Variants in PSD3 observed in about 807,000 individuals in gnomAD.
PSD3 encodes the protein PH and SEC7 domain-containing protein 3.
Under a neutral mutation model 105.5 loss-of-function variants are expected in PSD3, and 49 were observed. The ratio of observed to expected loss-of-function variants is 0.46; its 90% CI spans 0.37 to 0.59. The LOEUF is 0.59. Ranked by LOEUF, PSD3 falls within the 20% of genes least tolerant of loss-of-function variation. The pLI, the probability that PSD3 is intolerant of heterozygous loss-of-function variation, is 0.00. For missense variants in PSD3, 1,561 were observed against 1,263.8 expected (o/e 1.24, Z -3.57); for synonymous variants, 557 against 457.8 (o/e 1.22, Z -2.77).
At chr8:18,587,423 T>C (rs1585312628) in intron 12 of PSD3, among the ~76,000 whole-genome samples, 1 of 56,156 alleles carries the variant, frequency 1.8e-5, no homozygotes, top group South Asian at 4.9e-4. Flanking sequence ...TGAAACATAA[T>C]TTTTTTCATC....
At chr8:18,986,925 C>T (rs886899269) in intron 1 of PSD3, among the ~76,000 whole-genome samples, 3 of 152,088 alleles carry the variant, frequency 2.0e-5, no homozygotes, top group Non-Finnish European at 4.4e-5. Context: ...CCCATTTATG[C>T]TTAGTGTTCC....
intron 2 of PSD3, among the ~76,000 whole-genome samples, chr8:18,874,665 T>C (rs1404426167): frequency 7.0e-6 from 1 of 142,676 alleles, no homozygotes; most frequent in Admixed American, 7.3e-5. Context: ...ATTGCACCAT[T>C]GTAGTCCAGC....
At chr8:18,655,343 A>G (rs1808812768) in intron 10 of PSD3, among the ~76,000 whole-genome samples, 1 of 152,018 alleles carries the variant, frequency 6.6e-6, no homozygotes, top group African/African-American at 2.4e-5. Context: ...AAAAAAAAAA[A>G]AAAATTAAAA....
At chr8:19,062,316 T>G (rs1333569634) in intron 1 of PSD3, among the ~76,000 whole-genome samples, 1 of 152,192 alleles carries the variant, frequency 6.6e-6, no homozygotes, top group Non-Finnish European at 1.5e-5. Context: ...TCAGTGTGTT[T>G]TGCAGTTGGG....
intron 4 of PSD3, among the ~76,000 whole-genome samples, chr8:18,859,046 C>T (rs985031609): frequency 2.6e-5 from 4 of 152,064 alleles, no homozygotes; most frequent in Admixed American, 6.5e-5. Context: ...CAGCTTTACA[C>T]AATATATTCC....
intron 1 of PSD3, among the ~76,000 whole-genome samples, chr8:18,974,679 A>C (rs534520412): frequency 4.3e-4 from 65 of 152,042 alleles, no homozygotes; most frequent in Admixed American, 1.4e-3. Context: ...AGTCAAAAAA[A>C]AAAAACAAAA....
At position 18,728,682 on chromosome 8, in the gene PSD3, G is replaced by A. The variant is rs557796859; in HGVS notation, c.2172+36767C>T. 3.2e-4 allele frequency among the ~76,000 whole-genome samples: 48 copies of A among 152,290 alleles called. 1 individual carries two copies. Among genetic ancestry groups the A allele is most frequent in the Admixed American group, 2.4e-3 (37 of 15,294 alleles). On this transcript the variant is annotated intron_variant, in intron 9 of 15. Transcript: ENST00000327040. ...AAGCAGTCACCTTGAGTTACGCTGC[G>A]TGAGCTAAAAATGTGAGTTATGTGA... is the stretch of plus-strand genomic sequence containing the variant.
intron 4 of PSD3, among the ~76,000 whole-genome samples, chr8:18,822,290 C>T (rs982529183): frequency 2.6e-5 from 4 of 152,078 alleles, no homozygotes; most frequent in Non-Finnish European, 4.4e-5. Flanking sequence ...TGATGCATAG[C>T]CCTAAATAAA....
At chr8:18,881,915 T>C (rs1818128974) in intron 2 of PSD3, among the ~76,000 whole-genome samples, 1 of 152,112 alleles carries the variant, frequency 6.6e-6, no homozygotes, top group Non-Finnish European at 1.5e-5. Flanking sequence ...TACCAATTAA[T>C]AGAAGGTGAA....
At chr8:18,869,445 C>T (rs1817178413) in intron 3 of PSD3, among the ~76,000 whole-genome samples, 1 of 152,124 alleles carries the variant, frequency 6.6e-6, no homozygotes, top group Non-Finnish European at 1.5e-5. Context: ...TCCCAAAGTG[C>T]TGGGATTACA....
chr8:18,777,179 A>C (rs1808184350), intron 8 of PSD3, among the ~76,000 whole-genome samples: 1 of 151,984 alleles, frequency 6.6e-6, no homozygotes, highest in Non-Finnish European at 1.5e-5. Context: ...TGTAGCTGGG[A>C]CTACAGGCAT....
chr8:18,907,268 T>A (rs1376435520), intron 2 of PSD3, among the ~76,000 whole-genome samples: 2 of 152,176 alleles, frequency 1.3e-5, no homozygotes, highest in Non-Finnish European at 2.9e-5. Flanking sequence ...CAACTTCCAG[T>A]CCCGTAAGCT....
At chr8:18,677,071 G>A (rs1563164118) in intron 9 of PSD3, among the ~76,000 whole-genome samples, 1 of 152,182 alleles carries the variant, frequency 6.6e-6, no homozygotes, top group African/African-American at 2.4e-5. Flanking sequence ...ACTCTATCAG[G>A]AGCATAGTGT....
chr8:18,696,038 G>T (rs1467542176), intron 9 of PSD3, among the ~76,000 whole-genome samples: 1 of 152,206 alleles, frequency 6.6e-6, no homozygotes, highest in African/African-American at 2.4e-5. Context: ...CCTGGCAGCT[G>T]TCGCTGAGAA....
rs56149953 is a variant in PSD3, at chr8:18,821,863, G to A, written c.1635-16965C>T. On this transcript the variant is annotated intron_variant, in intron 4 of 15. Coordinates refer to ENST00000327040, the MANE Select transcript of PSD3 (RefSeq NM_015310.4). The stretch of plus-strand genomic sequence containing the variant: ...TACCCACACACACATGCACACACAT[G>A]CACACACACCACACACACACACACA... Among the ~76,000 whole-genome samples the A allele has an allele frequency of 1.1e-3, 114 of 100,012 alleles. 3 individuals carry two copies. The South Asian group carries it at 0.037, about 32-fold the overall frequency. 65.6% of individuals were successfully genotyped at this position (100,012 alleles called of 152,430 possible).
chr8:18,639,448 T>C (rs1276722700), intron 10 of PSD3, among the ~76,000 whole-genome samples: 1 of 152,136 alleles, frequency 6.6e-6, no homozygotes, highest in East Asian at 1.9e-4. Flanking sequence ...GTGTTATGGG[T>C]TTAATTCAGT....
chr8:19,084,629 A>G (rs867930308), exon 1 of PSD3: 19 of 349,016 alleles, frequency 5.4e-5, no homozygotes, highest in Middle Eastern at 9.1e-4. Flanking sequence ...GGGATCTGCA[A>G]TCACCACCCC....
At chr8:18,716,040 A>G (rs1016099197) in intron 9 of PSD3, among the ~76,000 whole-genome samples, 4 of 152,256 alleles carry the variant, frequency 2.6e-5, no homozygotes, top group South Asian at 2.1e-4. Context: ...AGGACAGAGC[A>G]TAACGGCAGG....
intron 2 of PSD3, among the ~76,000 whole-genome samples, chr8:18,894,174 C>T (rs767610027): frequency 1.3e-5 from 2 of 152,198 alleles, no homozygotes; most frequent in African/African-American, 4.8e-5. Flanking sequence ...TTCTGCCTTT[C>T]TTTTCCAGCC....
Sources: gnomAD v4.1 joint callset for allele counts (sites outside exome capture counted in the v4.1 genomes callset) on GRCh38, gnomAD v4.1.1 for gene constraint, MANE v1.5 for transcripts, NCBI Gene and HGNC (gene_info 2026-07-23, HGNC 2026-07-21) for gene names.